Variants in CEP112 observed in about 807,000 individuals in gnomAD.
The protein encoded by CEP112 is centrosomal protein of 112 kDa.
In CEP112, 127 loss-of-function variants were observed where a neutral mutation model predicts 153.0. The observed-to-expected ratio is 0.83, with a 90% CI of 0.72 to 0.96. The LOEUF (loss-of-function observed/expected upper bound fraction) is 0.96, where lower values mean the gene tolerates loss of function less well. CEP112 is among the 40% of genes least tolerant of loss of function. The probability of loss-of-function intolerance (pLI) is 0.00; values close to 1 mark genes in which losing one functional copy is unlikely to be tolerated. For missense variants in CEP112, 1,089 were observed against 1,101.2 expected (o/e 0.99, Z 0.16); for synonymous variants, 358 against 374.4 (o/e 0.96, Z 0.51).
intron 17 of CEP112, among the ~76,000 whole-genome samples, chr17:65,967,990 T>A (rs1034149941): frequency 6.6e-6 from 1 of 152,200 alleles, no homozygotes; most frequent in African/African-American, 2.4e-5. Flanking sequence ...TATGTCCCTA[T>A]ATTTAACAAA....
At chr17:66,155,755 C>T (rs2071412639) in intron 4 of CEP112, among the ~76,000 whole-genome samples, 1 of 152,188 alleles carries the variant, frequency 6.6e-6, no homozygotes, top group South Asian at 2.1e-4. Flanking sequence ...CCGGGTTTCC[C>T]CTCACAATGG....
intron 18 of CEP112, among the ~76,000 whole-genome samples, chr17:65,932,390 TA>T (rs2061157507): frequency 6.6e-6 from 1 of 151,842 alleles, no homozygotes; most frequent in Non-Finnish European, 1.5e-5. Flanking sequence ...AAAAAGAAAC[TA>T]AGAGAGAAAG....
At chr17:65,673,440 T>C (rs1014438368) in intron 24 of CEP112, among the ~76,000 whole-genome samples, 2 of 152,184 alleles carry the variant, frequency 1.3e-5, no homozygotes, top group African/African-American at 4.8e-5. Context: ...TAATCTGGGA[T>C]CATCTGCCTT....
At chr17:65,915,092 G>T (rs760671684) in intron 19 of CEP112, among the ~76,000 whole-genome samples, 5 of 152,112 alleles carry the variant, frequency 3.3e-5, no homozygotes, top group East Asian at 1.9e-4. Context: ...TACCTCACTG[G>T]TTGTTCCTTC....
At chr17:65,761,070 G>A (rs67460273) in intron 21 of CEP112, among the ~76,000 whole-genome samples, 41,290 of 151,698 alleles carry the variant, frequency 0.27, 7,142 homozygotes, top group Middle Eastern at 0.43. Flanking sequence ...TACAATACTC[G>A]TGGGCTCTTT....
intron 4 of CEP112, among the ~76,000 whole-genome samples, chr17:66,141,186 ATTTTCTGTAATATTTAATCTGCTG>A (rs1047154268): frequency 7.4e-5 from 11 of 148,936 alleles, no homozygotes; most frequent in African/African-American, 1.8e-4. Context: ...CACTGATTTG[ATTTTCTGTAATATTTAATCTGCTG>A]TTTTCTGTAA....
rs1336708768 is a variant in CEP112 at position 65,701,886 on chromosome 17, CT to C, written c.2608-12669del. 8.3e-3 allele frequency among the ~76,000 whole-genome samples: 1,065 copies of C among 129,038 alleles called. 16 individuals are homozygous for C. The highest frequency in any genetic ancestry group is 0.027 in the African/African-American group (964 of 35,210). 84.7% of individuals were successfully genotyped at this position (129,038 alleles called of 152,430 possible). On this transcript the variant is annotated intron_variant, in intron 23 of 26. Coordinates refer to ENST00000535342, the MANE Select transcript of CEP112 (RefSeq NM_001199165.4). Reference sequence around the variant, plus strand: ...TTAGTTGCCCACATTCCTTCAACTTCTTTTTTTTTTTGTTTTTTTTTTTTTT... The same window carrying C: ...TTAGTTGCCCACATTCCTTCAACTTCTTTTTTTTTTGTTTTTTTTTTTTTT...
At chr17:66,104,235 G>C (rs1054375135) in intron 6 of CEP112, among the ~76,000 whole-genome samples, 1 of 152,184 alleles carries the variant, frequency 6.6e-6, no homozygotes, top group African/African-American at 2.4e-5. Flanking sequence ...TGCCTGAAGA[G>C]AGGAGAGGGA....
rs143465061 is a variant in CEP112, at chr17:65,749,847, C to T, written c.2457+815G>A. Among the ~76,000 whole-genome samples, 1,393 of 147,576 alleles carry T rather than the reference C, an allele frequency of 9.4e-3. 14 individuals are homozygous for T. The highest frequency in any genetic ancestry group is 0.021 in the Middle Eastern group (6 of 292). ...GTATGGTAAATTCTAGTTTACTAAC[C>T]AAATACCACTGTATATATATATAAA... On this transcript the variant is annotated intron_variant, in intron 22 of 26. Transcript: ENST00000535342.
chr17:65,791,605 A>T (rs145031181), intron 21 of CEP112, among the ~76,000 whole-genome samples: 3 of 152,198 alleles, frequency 2.0e-5, no homozygotes, highest in Non-Finnish European at 4.4e-5. Flanking sequence ...GAGATTATCT[A>T]TTCTAAATAA....
intron 13 of CEP112, 62 bp from the exon 14 acceptor site, chr17:66,029,314 T>TA: frequency 9.2e-7 from 1 of 1,089,638 alleles, no homozygotes; most frequent in Non-Finnish European, 1.3e-6. Context: ...AAAATGAAAT[T>TA]TTTTAATCAG....
At chr17:65,938,564 T>C (rs946521198) in intron 18 of CEP112, among the ~76,000 whole-genome samples, 6 of 152,188 alleles carry the variant, frequency 3.9e-5, no homozygotes, top group African/African-American at 1.4e-4. Flanking sequence ...TCCACACTTA[T>C]TTTCAACATA....
intron 6 of CEP112, among the ~76,000 whole-genome samples, chr17:66,121,720 AG>A (rs1384929294): frequency 6.6e-6 from 1 of 150,384 alleles, no homozygotes; most frequent in Non-Finnish European, 1.5e-5. Context: ...TTGTTTTTAG[AG>A]ATGGGGGTCT....
chr17:65,791,544 T>C lies in CEP112; in HGVS notation c.2395-40820A>G, dbSNP rs1355367791. The stretch of plus-strand genomic sequence containing the variant: ...TGATTTCTGCTAACCACTTCTGCCA[T>C]ATTATCTAGTTTCTATGAAAACTTT... On this transcript the variant is annotated intron_variant, in intron 21 of 26. Coordinates refer to ENST00000535342, the MANE Select transcript of CEP112 (RefSeq NM_001199165.4). Among the ~76,000 whole-genome samples, 4 of 152,236 alleles carry C rather than the reference T, an allele frequency of 2.6e-5. 1 individual carries two copies. The South Asian group carries it at 6.2e-4, about 24-fold the overall frequency.
At chr17:65,662,771 C>T (rs957783352) in intron 24 of CEP112, among the ~76,000 whole-genome samples, 11 of 152,070 alleles carry the variant, frequency 7.2e-5, no homozygotes, top group Non-Finnish European at 1.6e-4. Context: ...ATGAATGCCA[C>T]TCTTCATGTT....
intron 18 of CEP112, among the ~76,000 whole-genome samples, chr17:65,956,007 G>T (rs1172099407): frequency 6.6e-6 from 1 of 152,132 alleles, no homozygotes; most frequent in Non-Finnish European, 1.5e-5. Context: ...GGACTTAACA[G>T]ATATTTACAG....
At chr17:65,834,108 C>T (rs1021533156) in intron 21 of CEP112, among the ~76,000 whole-genome samples, 9 of 152,128 alleles carry the variant, frequency 5.9e-5, no homozygotes, top group African/African-American at 2.2e-4. Context: ...GGAAAAGACT[C>T]CCTATTCAAT....
intron 16 of CEP112, among the ~76,000 whole-genome samples, chr17:66,007,735 G>T (rs1318894612): frequency 2.0e-5 from 3 of 152,130 alleles, no homozygotes; most frequent in Admixed American, 6.5e-5. Context: ...GTGAAAGGGT[G>T]GGGGAAGGAC....
intron 16 of CEP112, among the ~76,000 whole-genome samples, chr17:66,024,945 G>A (rs1311549269): frequency 6.6e-6 from 1 of 152,034 alleles, no homozygotes; most frequent in Non-Finnish European, 1.5e-5. Context: ...CATAAAAATA[G>A]ATCAGTAGAA....
Sources: gnomAD v4.1 joint callset for allele counts (sites outside exome capture counted in the v4.1 genomes callset) on GRCh38, gnomAD v4.1.1 for gene constraint, MANE v1.5 for transcripts, NCBI Gene and HGNC (gene_info 2026-07-23, HGNC 2026-07-21) for gene names.